Variants in TTN observed in about 807,000 individuals in gnomAD.
TTN encodes connectin.
TTN carries 1,525 observed loss-of-function variants against 3,223.0 expected under a neutral mutation model. That is an observed-to-expected ratio of 0.47 (90% confidence interval 0.45 to 0.49). TTN has a LOEUF of 0.49. TTN is among the 20% of genes least tolerant of loss of function. The pLI is 0.00. For missense variants in TTN, 40,786 were observed against 43,424.0 expected, an observed-to-expected ratio of 0.94 and a Z score of 5.40; for synonymous variants, 14,094 against 15,161.0, an observed-to-expected ratio of 0.93 and a Z score of 5.17.
intron 208 of TTN, 39 bp downstream of exon 208, chr2:178,651,204 G>GT: frequency 6.5e-7 from 1 of 1,544,466 alleles, no homozygotes; most frequent in Non-Finnish European, 8.9e-7. Context: ...TTAGACAAGG[G>GT]TGAGTGCTTT....
chr2:178,531,921 T>G lies in TTN; in HGVS notation c.104694A>C (p.Arg34898Ser), dbSNP rs755502219. The G allele has an allele frequency of 6.7e-5, 108 of 1,612,934 alleles. No homozygotes were observed. The highest frequency in any genetic ancestry group is 8.4e-5 in the Admixed American group (5 of 59,854). Residue 34898 changes from arginine (R) to serine (S), a missense_variant, in exon 358 of 363, where the codon AGA (arginine) becomes AGC (serine). Coordinates refer to ENST00000589042, the MANE Select transcript of TTN (RefSeq NM_001267550.2). ...TATCAAATCTTGCAGACCTCTCAAA[T>G]CTCGAGAGTGATCTCTCACTAGACA... The part of the protein sequence containing the change: ...SPVSSERSLS[R>S]FERSARFDIF...
In TTN at chr2:178,773,995, G is replaced by A. The variant is rs374509926; in HGVS notation, c.7173C>T (p.Asp2391=). 60 of 1,613,906 alleles carry A rather than the reference G, an allele frequency of 3.7e-5. No homozygotes were observed. Among genetic ancestry groups the A allele is most frequent in the Admixed American group, 1.2e-4 (7 of 59,978 alleles). ...LESVEGVWMK[D]GQEVQPSDRV... ...TGTCACTGGGCTGCACTTCTTGGCCGTCTTTCATCCAGACGCCTTCCACAC... is the reference window on the plus strand; with the variant it reads ...TGTCACTGGGCTGCACTTCTTGGCCATCTTTCATCCAGACGCCTTCCACAC... The change falls in exon 31 of 363, where the codon GAC becomes GAT. Residue 2391 remains aspartate, a synonymous_variant. Coordinates refer to ENST00000589042, the MANE Select transcript of TTN (RefSeq NM_001267550.2).
At position 178,535,573 on chromosome 2, in the gene TTN, G is replaced by A; in HGVS notation, c.101042C>T (p.Thr33681Ile). The A allele has an allele frequency of 2.5e-6, 4 of 1,613,844 alleles. No individual in the cohort carries two copies. The highest frequency in any genetic ancestry group is 3.4e-6 in the Non-Finnish European group (4 of 1,179,820). The change falls in exon 358 of 363, where the codon ACA (threonine) becomes ATA (isoleucine). Residue 33681 changes from threonine (T) to isoleucine (I), a missense_variant. Physicochemically the swap from Thr to Ile is moderately conservative, Grantham distance 89. Coordinates refer to ENST00000589042, the MANE Select transcript of TTN (RefSeq NM_001267550.2). ...AACATCAGCCACATCCAGTTCAACT[G>A]TCTTCTGATCAATTCCAAATCTGTT... ...AKNRFGIDQK[T>I]VELDVADVPD... is the part of the protein sequence containing the mutation.
chr2:178,562,697 GC>G lies in TTN; in HGVS notation c.83434del (p.Ala27812ProfsTer59). On this transcript the variant is annotated frameshift_variant, in exon 326 of 363. Coordinates refer to ENST00000589042, the MANE Select transcript of TTN (RefSeq NM_001267550.2). LOFTEE classifies it high-confidence loss of function. ...GCAATTATTTGTAATGGTAGCATAG[GC>G]TTTTCTTGTAGTTTCTCGTTTTTCG... is the stretch of plus-strand genomic sequence containing the variant. Reference protein sequence around the residue: ...IVEKRETTRKAYATITNNCTK... With the variant: ...IVEKRETTRKXYATITNNCTK... The G allele has an allele frequency of 6.3e-7, 1 of 1,596,168 alleles. No homozygotes were observed. Among genetic ancestry groups the G allele is most frequent in the Non-Finnish European group, 8.5e-7 (1 of 1,172,560 alleles).
At position 178,586,647 on chromosome 2, in the gene TTN, G is replaced by GTACTC. The variant is rs794729329; in HGVS notation, c.64249_64253dup (p.Tyr21418Ter). ...CAAGGCTCAGATCTTTTACCACTGA[G>GTACTC]TACTCTGTCCAGCGATCTGCAGGCT... On this transcript the variant is annotated stop_gained and frameshift_variant, in exon 308 of 363. Transcript: ENST00000589042. LOFTEE classifies it high-confidence loss of function. 1 of 1,613,126 alleles carries GTACTC rather than the reference G, an allele frequency of 6.2e-7. No individual in the cohort carries two copies. Among genetic ancestry groups the GTACTC allele is most frequent in the Non-Finnish European group, 8.5e-7 (1 of 1,179,386 alleles).
chr2:178,558,555 A>G lies in TTN; in HGVS notation c.86904T>C (p.His28968=). The G allele has an allele frequency of 1.9e-6, 3 of 1,613,796 alleles. No individual in the cohort carries two copies. Reference sequence around the variant, plus strand: ...AGTGTACAATTCTGCTTCCGCCATCATGTTCAGGCTTCAGCCAGGTCAGGG... The same window carrying G: ...AGTGTACAATTCTGCTTCCGCCATCGTGTTCAGGCTTCAGCCAGGTCAGGG... ...SVSLTWLKPE[H]DGGSRIVHYV... Residue 28968 remains histidine (H), a synonymous_variant, in exon 327 of 363, where the codon CAT becomes CAC. Coordinates refer to ENST00000589042, the MANE Select transcript of TTN (RefSeq NM_001267550.2).
Position 178,610,352 on chromosome 2 carries a change from G to A in TTN, c.51174C>T (p.Asp17058=). 6.2e-7 allele frequency: 1 copy of A among 1,612,714 alleles called. No individual in the cohort carries two copies. Among genetic ancestry groups the A allele is most frequent in the Non-Finnish European group, 8.5e-7 (1 of 1,179,148 alleles). Residue 17058 remains aspartate (D), a synonymous_variant, in exon 271 of 363, where the codon GAC becomes GAT. Transcript: ENST00000589042. ...TTAACTTACAAGAACTCTTGGTAATGTCACTTGCTTTAATATCTTTGCATG... is the reference window on the plus strand; with the variant it reads ...TTAACTTACAAGAACTCTTGGTAATATCACTTGCTTTAATATCTTTGCATG... The part of the protein sequence containing the change: ...PGPCKDIKAS[D]ITKSSCKLTW...
intron 294 of TTN, 75 bp downstream of exon 294, chr2:178,597,463 A>G (rs938670649): frequency 1.4e-6 from 2 of 1,467,228 alleles, no homozygotes; most frequent in Admixed American, 4.6e-5. Flanking sequence ...GTTACACAGC[A>G]TACAGCATAG....
rs1293110803 is a variant in TTN at position 178,532,077 on chromosome 2, A to G, written c.104538T>C (p.Thr34846=). The change falls in exon 358 of 363, where the codon ACT becomes ACC. Residue 34846 remains threonine (T), a synonymous_variant. Coordinates refer to ENST00000589042, the MANE Select transcript of TTN (RefSeq NM_001267550.2). Reference sequence around the variant, plus strand: ...ACACTGGCCTCATTAACTCAATATAAGTTGGAGACAGGGAGCGCCGTCGTC... The same window carrying G: ...ACACTGGCCTCATTAACTCAATATAGGTTGGAGACAGGGAGCGCCGTCGTC... ...LLRRRRSLSP[T]YIELMRPVSE... is the part of the protein sequence containing the mutation. 1.7e-5 allele frequency: 27 copies of G among 1,613,908 alleles called. No individual in the cohort carries two copies. The highest frequency in any genetic ancestry group is 2.3e-5 in the Non-Finnish European group (27 of 1,179,854).
Position 178,710,620 on chromosome 2 carries a change from C to T in TTN, c.28462+15G>A. ...GATTACACTTTTGTTGGACCACTTG[C>T]AAAATAAACGATACCTTTTATATTC... On this transcript the variant is annotated intron_variant, in intron 98 of 362. Transcript: ENST00000589042. 1 of 1,590,202 alleles carries T rather than the reference C, an allele frequency of 6.3e-7. No homozygotes were observed.
chr2:178,688,285 A>G (rs1016932619), intron 126 of TTN, 61 bp from the exon 127 acceptor site: 1 of 1,426,066 alleles, frequency 7.0e-7, no homozygotes, highest in African/African-American at 1.4e-5. Flanking sequence ...ATATACAGCC[A>G]TGTGGTCACT....
At position 178,711,927 on chromosome 2, in the gene TTN, A is replaced by G. The variant is rs376389312; in HGVS notation, c.27886+17T>C. 8 of 1,547,306 alleles carry G rather than the reference A, an allele frequency of 5.2e-6. No homozygotes were observed. The highest frequency in any genetic ancestry group is 7.0e-6 in the Non-Finnish European group (8 of 1,148,108). On this transcript the variant is annotated intron_variant, in intron 96 of 362. Transcript: ENST00000589042. ...AAAGAAACACAAATTCGTTCACTTTAAAAATATTGCAATCACCTTGAACGG... is the reference window on the plus strand; with the variant it reads ...AAAGAAACACAAATTCGTTCACTTTGAAAATATTGCAATCACCTTGAACGG...
chr2:178,624,847 C>T (rs2058790433), intron 241 of TTN, 116 bp from the exon 242 acceptor site: 4 of 1,226,202 alleles, frequency 3.3e-6, no homozygotes, highest in East Asian at 4.8e-5. Context: ...GTTTTATTTT[C>T]AAGTTTTGAT....
intron 89 of TTN, 88 bp from the exon 90 acceptor site, chr2:178,715,352 A>G: frequency 6.6e-7 from 1 of 1,505,746 alleles, no homozygotes; most frequent in Non-Finnish European, 8.9e-7. Context: ...TCAGAGAGAT[A>G]GAGAGTGAAA....
At position 178,740,098 on chromosome 2, in the gene TTN, A is replaced by T; in HGVS notation, c.13135T>A (p.Ser4379Thr). The T allele has an allele frequency of 6.2e-7, 1 of 1,613,748 alleles. No individual in the cohort carries two copies. Among genetic ancestry groups the T allele is most frequent in the Non-Finnish European group, 8.5e-7 (1 of 1,179,784 alleles). The change falls in exon 48 of 363, where the codon TCT (serine) becomes ACT (threonine). Residue 4379 changes from serine to threonine, a missense_variant. Ser to Thr is a moderately conservative substitution (Grantham distance 58, BLOSUM62 1). Coordinates refer to ENST00000589042, the MANE Select transcript of TTN (RefSeq NM_001267550.2). The part of the protein sequence containing the change: ...VQEVQGRDLL[S>T]KESLLSGIPE... ...ATACCAGAAAGCAAGCTTTCCTTAG[A>T]AAGAAGGTCCCTTCCCTGTACCTCC...
Position 178,578,100 on chromosome 2 carries a change from C to T in TTN, c.68415G>A (p.Val22805=), listed in dbSNP as rs766702408. The T allele has an allele frequency of 1.4e-5, 23 of 1,613,174 alleles. No homozygotes were observed. The highest frequency in any genetic ancestry group is 1.8e-5 in the Non-Finnish European group (21 of 1,179,496). ...ATTCAAGACCTTCAGTTAATCCTGTCACTTTAAAGTCTCTCATCCTTATCG... is the reference window on the plus strand; with the variant it reads ...ATTCAAGACCTTCAGTTAATCCTGTTACTTTAAAGTCTCTCATCCTTATCG... The part of the protein sequence containing the change: ...KTPIRMRDFK[V]TGLTEGLEYE... The change falls in exon 322 of 363, where the codon GTG becomes GTA. Residue 22805 remains valine, a synonymous_variant. Coordinates refer to ENST00000589042, the MANE Select transcript of TTN (RefSeq NM_001267550.2).
Position 178,582,367 on chromosome 2 carries a change from ATACGGAAC to A in TTN, c.66081_66088del (p.Gln22027HisfsTer4). 1 of 1,612,340 alleles carries A rather than the reference ATACGGAAC, an allele frequency of 6.2e-7. No homozygotes were observed. The highest frequency in any genetic ancestry group is 8.5e-7 in the Non-Finnish European group (1 of 1,179,142). ...TACTCCATATTTATTTTCAGCACAA[ATACGGAAC>A]TGATACTCATGGCCCTCTATAAGTT... On this transcript the variant is annotated frameshift_variant, in exon 314 of 363. Transcript: ENST00000589042. LOFTEE classifies it high-confidence loss of function.
Position 178,563,115 on chromosome 2 carries a change from G to T in TTN, c.83017C>A (p.Pro27673Thr), listed in dbSNP as rs769343491. Residue 27673 changes from proline to threonine, a missense_variant, in exon 326 of 363, where the codon CCA (proline) becomes ACA (threonine). Physicochemically the swap from Pro to Thr is conservative, Grantham distance 38 (BLOSUM62 -1). Coordinates refer to ENST00000589042, the MANE Select transcript of TTN (RefSeq NM_001267550.2). The surrounding 1 kb of genome is among the most constrained non-coding windows in gnomAD (Gnocchi z 4.5). The stretch of plus-strand genomic sequence containing the variant: ...AGATCAGCATCGAGTTCTATTTCTG[G>T]TGGCTCTATCCTCTCCTGAGCAACC... ...SVVAQERIEP[P>T]EIELDADLRK... is the part of the protein sequence containing the mutation. 5 of 1,613,554 alleles carry T rather than the reference G, an allele frequency of 3.1e-6. No individual in the cohort carries two copies. The Admixed American group carries it at 8.3e-5, about 27-fold the overall frequency.
chr2:178,579,179 A>G lies in TTN; in HGVS notation c.67851T>C (p.Asp22617=), dbSNP rs2047115002. ...TAAGTGTGATTGTGTATTTTCCAGC[A>G]TCAGATTTTTGGCAATCGTACACTA... is the stretch of plus-strand genomic sequence containing the variant. ...TLIVYDCQKS[D]AGKYTITLKN... The change falls in exon 320 of 363, where the codon GAT becomes GAC. Residue 22617 remains aspartate (D), a synonymous_variant. Coordinates refer to ENST00000589042, the MANE Select transcript of TTN (RefSeq NM_001267550.2). 1 of 1,613,396 alleles carries G rather than the reference A, an allele frequency of 6.2e-7. No individual in the cohort carries two copies. Among genetic ancestry groups the G allele is most frequent in the Non-Finnish European group, 8.5e-7 (1 of 1,179,598 alleles).
Sources: gnomAD v4.1 joint callset for allele counts on GRCh38, gnomAD v4.1.1 for gene constraint, Gnocchi (gnomAD v3.1) non-coding constraint, MANE v1.5 for transcripts, NCBI Gene and HGNC (gene_info 2026-07-23, HGNC 2026-07-21) for gene names.